The following R3HDM2 variants were observed in gnomAD, a reference collection of about 807,000 sequenced individuals.
R3HDM2 encodes the protein R3H domain containing 2.
Under a neutral mutation model 124.5 loss-of-function variants are expected in R3HDM2, and 38 were observed. The observed-to-expected ratio is 0.31, with a 90% confidence interval of 0.24 to 0.40. The LOEUF (loss-of-function observed/expected upper bound fraction) is 0.40. Ranked by LOEUF, R3HDM2 falls within the 10% of genes least tolerant of loss-of-function variation. R3HDM2 has a pLI of 1.00. For missense variants in R3HDM2, 869 were observed against 1,236.9 expected (o/e 0.70, Z 4.46); for synonymous variants, 391 against 448.0 (o/e 0.87, Z 1.61).
At chr12:57,339,271 A>C (rs570573350) in intron 2 of R3HDM2, among the ~76,000 whole-genome samples, 1 of 152,082 alleles carries the variant, frequency 6.6e-6, no homozygotes, top group Non-Finnish European at 1.5e-5. Flanking sequence ...TGCTGGGATT[A>C]CAGGTGTAAG....
intron 2 of R3HDM2, among the ~76,000 whole-genome samples, chr12:57,371,439 T>C (rs1045053301): frequency 2.0e-5 from 3 of 152,164 alleles, no homozygotes; most frequent in Non-Finnish European, 2.9e-5. Context: ...ATAACTGCCT[T>C]GTGCTTAGGT....
At chr12:57,330,637 G>A (rs991041987) in intron 2 of R3HDM2, among the ~76,000 whole-genome samples, 10 of 151,072 alleles carry the variant, frequency 6.6e-5, no homozygotes, top group African/African-American at 2.4e-4. Context: ...GAGCCACCGT[G>A]CCTGGCTGGC....
intron 19 of R3HDM2, among the ~76,000 whole-genome samples, chr12:57,264,602 CAA>C (rs1267094542): frequency 1.3e-5 from 2 of 150,048 alleles, no homozygotes; most frequent in Non-Finnish European, 3.0e-5. Context: ...AAAGAAAAAA[CAA>C]AAGACTTCCT....
intron 2 of R3HDM2, among the ~76,000 whole-genome samples, chr12:57,392,253 G>C (rs573996449): frequency 6.6e-6 from 1 of 152,148 alleles, no homozygotes; most frequent in Admixed American, 6.6e-5. Context: ...AAATAACAGC[G>C]GTTTCCAACC....
intron 2 of R3HDM2, among the ~76,000 whole-genome samples, chr12:57,355,907 T>C (rs755122251): frequency 6.6e-6 from 1 of 152,218 alleles, no homozygotes; most frequent in African/African-American, 2.4e-5. Context: ...TATAAACATA[T>C]AATGGGCTTT....
At chr12:57,421,781 T>C (rs557445701) in intron 1 of R3HDM2, among the ~76,000 whole-genome samples, 11 of 152,200 alleles carry the variant, frequency 7.2e-5, no homozygotes, top group Admixed American at 3.9e-4. Context: ...TGCTGGATTA[T>C]AGGTGTGAGA....
chr12:57,254,524 A>AAT lies in R3HDM2; in HGVS notation c.*248_*249insAT. ...CTCAAAAAAAAAAAAAAAAAAAAAAAGAAGAGGATGGGAAGAAGAGTGATG... is the reference window on the plus strand; with the variant it reads ...CTCAAAAAAAAAAAAAAAAAAAAAAAATGAAGAGGATGGGAAGAAGAGTGATG... On this transcript the variant is annotated 3_prime_UTR_variant, in exon 24 of 24. Transcript: ENST00000402412. 2.5e-6 allele frequency: 1 copy of AAT among 406,236 alleles called. No individual in the cohort carries two copies. The allele number at this position is 406,236 out of a possible 1,614,324, so 25.2% of individuals were successfully genotyped here.
intron 14 of R3HDM2, among the ~76,000 whole-genome samples, chr12:57,275,242 G>A (rs1036054388): frequency 1.3e-5 from 2 of 152,146 alleles, no homozygotes; most frequent in Non-Finnish European, 2.9e-5. Context: ...TCAACAAATG[G>A]TGCTGGGATA....
chr12:57,291,013 C>T (rs1249036360), intron 11 of R3HDM2, among the ~76,000 whole-genome samples: 1 of 150,294 alleles, frequency 6.7e-6, no homozygotes, highest in Admixed American at 6.6e-5. Context: ...TCATTCCATC[C>T]AACTGGTTTG....
At chr12:57,270,941 A>G (rs1432841722) in intron 14 of R3HDM2, among the ~76,000 whole-genome samples, 1 of 152,204 alleles carries the variant, frequency 6.6e-6, no homozygotes, top group Non-Finnish European at 1.5e-5. Flanking sequence ...AAAAAACAGG[A>G]CAAACTAGCG....
intron 3 of R3HDM2, chr12:57,304,337 G>A (rs1177941935): frequency 5.5e-6 from 1 of 183,350 alleles, no homozygotes; most frequent in East Asian, 1.9e-4. Context: ...GGGCTTCTGG[G>A]AAGAGGTTGG....
chr12:57,410,023 T>A (rs2068869242), intron 1 of R3HDM2, among the ~76,000 whole-genome samples: 1 of 152,222 alleles, frequency 6.6e-6, no homozygotes, highest in African/African-American at 2.4e-5. Context: ...TAACCACACA[T>A]TCCATTTTTA....
chr12:57,393,241 C>A (rs1173800362), intron 2 of R3HDM2, among the ~76,000 whole-genome samples: 1 of 152,140 alleles, frequency 6.6e-6, no homozygotes, highest in Non-Finnish European at 1.5e-5. Flanking sequence ...GTAGCTCGGA[C>A]TACAGGCACC....
At position 57,430,314 on chromosome 12, in the gene R3HDM2, G is replaced by C. The variant is rs77287500; in HGVS notation, c.-106+406C>G. The stretch of plus-strand genomic sequence containing the variant: ...AAATCCCCGTCCCTGTAAGAAACCT[G>C]GACACCAGCATGATTTTAAACACTT... On this transcript the variant is annotated intron_variant, in intron 1 of 23. Transcript: ENST00000402412. Among the ~76,000 whole-genome samples the C allele has an allele frequency of 5.6e-4, 85 of 152,184 alleles. No individual in the cohort carries two copies. The East Asian group carries it at 0.013, about 23-fold the overall frequency.
intron 2 of R3HDM2, among the ~76,000 whole-genome samples, chr12:57,336,370 C>T (rs565203622): frequency 1.3e-5 from 2 of 152,210 alleles, no homozygotes; most frequent in South Asian, 4.1e-4. Flanking sequence ...CACTGCAACA[C>T]TATTCAGAAT....
In R3HDM2 at chr12:57,268,307, T is replaced by A. The variant is rs775845484; in HGVS notation, c.2026A>T (p.Thr676Ser). Reference sequence around the variant, plus strand: ...TGGCTCTCTGGGAGTCCTCACCTCGTACCGTTCTGCTGAGCAGGTGGGATC... The same window carrying A: ...TGGCTCTCTGGGAGTCCTCACCTCGAACCGTTCTGCTGAGCAGGTGGGATC... ...SMIPPAQQNG[T>S]SPSVGFLQPP... Residue 676 changes from threonine (T) to serine (S), a missense_variant, in exon 18 of 24, where the codon ACG (threonine) becomes TCG (serine). Physicochemically the swap from Thr to Ser is moderately conservative, Grantham distance 58. Coordinates refer to ENST00000402412, the MANE Select transcript of R3HDM2 (RefSeq NM_001394031.1). 1.7e-5 allele frequency: 27 copies of A among 1,613,660 alleles called. No individual in the cohort carries two copies. The Admixed American group carries it at 4.5e-4, about 27-fold the overall frequency.
intron 1 of R3HDM2, among the ~76,000 whole-genome samples, chr12:57,412,732 G>A (rs1232127100): frequency 2.6e-5 from 4 of 152,088 alleles, no homozygotes; most frequent in African/African-American, 9.7e-5. Context: ...TTGGCCAGGC[G>A]CAGTGGCTCA....
At chr12:57,268,877 A>G in intron 17 of R3HDM2, 45 bp downstream of exon 17, 1 of 1,589,078 alleles carries the variant, frequency 6.3e-7, no homozygotes, top group South Asian at 1.1e-5. Flanking sequence ...CCTTTTCCTC[A>G]TGCCAAGGAC....
intron 10 of R3HDM2, 94 bp downstream of exon 10, chr12:57,295,305 T>A (rs2049526114): frequency 8.5e-6 from 7 of 819,554 alleles, no homozygotes; most frequent in Admixed American, 4.2e-5. Flanking sequence ...ACTAAGATAT[T>A]TTGAGTTTTC....
Sources: allele counts gnomAD v4.1 joint callset (sites outside exome capture counted in the v4.1 genomes callset), GRCh38; gene constraint gnomAD v4.1.1; transcripts MANE v1.5; gene names NCBI Gene and HGNC (gene_info 2026-07-23, HGNC 2026-07-21).